Variants in SHROOM3 observed in about 807,000 individuals in gnomAD.
SHROOM3 encodes the protein shroom family member 3.
In SHROOM3, 47 loss-of-function variants were observed where a neutral mutation model predicts 138.6. That is an observed-to-expected ratio of 0.34 (90% CI 0.27 to 0.43). The LOEUF is 0.43. Ranked by LOEUF, SHROOM3 falls within the 20% of genes least tolerant of loss-of-function variation. The pLI, the probability that SHROOM3 is intolerant of heterozygous loss-of-function variation, is 1.00. For missense variants in SHROOM3, 2,491 were observed against 2,596.5 expected (o/e 0.96, Z 0.88); for synonymous variants, 1,062 against 1,063.3 (o/e 1.00, Z 0.02).
intron 2 of SHROOM3, among the ~76,000 whole-genome samples, chr4:76,629,877 A>G (rs1219892910): frequency 6.6e-6 from 1 of 152,218 alleles, no homozygotes; most frequent in African/African-American, 2.4e-5. Flanking sequence ...AGATTGGTGT[A>G]TGAATCTGGT....
In SHROOM3 at chr4:76,749,050, C is replaced by T. The variant is rs1306576880; in HGVS notation, c.3787C>T (p.Leu1263Phe). 4 of 1,613,786 alleles carry T rather than the reference C, an allele frequency of 2.5e-6. No individual in the cohort carries two copies. Among genetic ancestry groups the T allele is most frequent in the Non-Finnish European group, 3.4e-6 (4 of 1,179,940 alleles). Residue 1263 changes from leucine (L) to phenylalanine (F), a missense_variant, in exon 6 of 11, where the codon CTT becomes TTT. Around this residue, in one of 4 missense-constraint regions of SHROOM3, gnomAD observed 1,733 missense variants for 1,661.6 expected, o/e 1.04. Coordinates refer to ENST00000296043, the MANE Select transcript of SHROOM3 (RefSeq NM_020859.4). Reference sequence around the variant, plus strand: ...TTTGGGGCAAGACAGTGGCTTTGGTCTTGTGAAGGATCCATGTTATTTGGC... The same window carrying T: ...TTTGGGGCAAGACAGTGGCTTTGGTTTTGTGAAGGATCCATGTTATTTGGC... ...VLLGQDSGFGLVKDPCYLAGP... is the reference protein window; with the variant it reads ...VLLGQDSGFGFVKDPCYLAGP...
rs1560608636 is a variant in SHROOM3, at chr4:76,740,586, T to A, written c.2413T>A (p.Phe805Ile). Residue 805 changes from phenylalanine (F) to isoleucine (I), a missense_variant, in exon 5 of 11, where the codon TTT (phenylalanine) becomes ATT (isoleucine). Transcript: ENST00000296043. This position sits in a 1 kb window ranked among gnomAD's most constrained non-coding sequence, Gnocchi z 4.0. ...SQRPSVGGSG[F>I]GHNYRPHRTV... ...GAGACCGAGTGTGGGCGGCTCTGGT[T>A]TTGGCCATAACTATAGGCCCCACAG... The A allele has an allele frequency of 7.4e-6, 12 of 1,614,108 alleles. No homozygotes were observed. The highest frequency in any genetic ancestry group is 1.0e-5 in the Non-Finnish European group (12 of 1,180,020).
chr4:76,527,914 G>A (rs1018314522), intron 1 of SHROOM3, among the ~76,000 whole-genome samples: 7 of 152,210 alleles, frequency 4.6e-5, no homozygotes, highest in Non-Finnish European at 1.0e-4. Flanking sequence ...ACAGCTGGTG[G>A]TGGAAGGGCC....
intron 1 of SHROOM3, among the ~76,000 whole-genome samples, chr4:76,531,151 A>G (rs1732821295): frequency 6.6e-6 from 1 of 152,130 alleles, no homozygotes; most frequent in Non-Finnish European, 1.5e-5. Context: ...CATTAGTCAA[A>G]TGGTAACCCT....
At chr4:76,657,509 TC>T (rs1349559147) in intron 2 of SHROOM3, among the ~76,000 whole-genome samples, 1 of 152,214 alleles carries the variant, frequency 6.6e-6, no homozygotes, top group Non-Finnish European at 1.5e-5. Context: ...ATATGCCTGC[TC>T]ATTACTAGCG....
At chr4:76,758,492 G>T (rs538586866) in intron 8 of SHROOM3, 1 of 150,910 alleles carries the variant, frequency 6.6e-6, no homozygotes, top group East Asian at 1.9e-4. Flanking sequence ...GCCATCTCCT[G>T]GTGGAAATAA....
intron 2 of SHROOM3, among the ~76,000 whole-genome samples, chr4:76,622,575 G>T (rs1735031497): frequency 6.6e-6 from 1 of 151,624 alleles, no homozygotes. Context: ...TCACTTTCCA[G>T]AACCCTCTTT....
intron 2 of SHROOM3, among the ~76,000 whole-genome samples, chr4:76,677,931 GA>G (rs1719087350): frequency 6.6e-6 from 1 of 152,150 alleles, no homozygotes; most frequent in Non-Finnish European, 1.5e-5. Flanking sequence ...ATCTGCTTGT[GA>G]AAGTCTAAAA....
chr4:76,694,586 G>A (rs1487608967), intron 2 of SHROOM3, among the ~76,000 whole-genome samples: 5 of 152,322 alleles, frequency 3.3e-5, no homozygotes, highest in Admixed American at 6.5e-5. Flanking sequence ...AATGACCTAC[G>A]TTTGAATCTG....
intron 2 of SHROOM3, among the ~76,000 whole-genome samples, chr4:76,657,100 C>T (rs1388851673): frequency 2.0e-5 from 3 of 151,892 alleles, no homozygotes; most frequent in Non-Finnish European, 2.9e-5. Flanking sequence ...TTGCTTGAAC[C>T]CAAGAGATGA....
chr4:76,436,927 T>A (rs886356637), intron 1 of SHROOM3, among the ~76,000 whole-genome samples: 1 of 152,246 alleles, frequency 6.6e-6, no homozygotes, highest in South Asian at 2.1e-4. Context: ...ATATTGCTTT[T>A]AAATTTTTAG....
intron 1 of SHROOM3, among the ~76,000 whole-genome samples, chr4:76,528,796 C>A (rs1179158612): frequency 6.6e-6 from 1 of 152,146 alleles, no homozygotes; most frequent in Non-Finnish European, 1.5e-5. Flanking sequence ...TCAGGTGATC[C>A]ACCCACCTTG....
intron 2 of SHROOM3, among the ~76,000 whole-genome samples, chr4:76,564,144 C>T (rs769953900): frequency 1.3e-5 from 2 of 152,234 alleles, no homozygotes; most frequent in Non-Finnish European, 2.9e-5. Context: ...TCCTGGTCAT[C>T]TGCTCTTTGA....
intron 1 of SHROOM3, among the ~76,000 whole-genome samples, chr4:76,519,655 A>C (rs1473135258): frequency 1.3e-5 from 2 of 152,196 alleles, no homozygotes; most frequent in Non-Finnish European, 2.9e-5. Context: ...AGGTGCCAAA[A>C]TAGTGCCTTC....
chr4:76,681,874 T>A (rs574777825), intron 2 of SHROOM3, among the ~76,000 whole-genome samples: 28 of 152,120 alleles, frequency 1.8e-4, no homozygotes, highest in Non-Finnish European at 2.9e-4. Context: ...TTTCTTTCAT[T>A]CCCACTCCAT....
Position 76,473,814 on chromosome 4 carries a change from A to G in SHROOM3, c.168+37594A>G, listed in dbSNP as rs549609456. On this transcript the variant is annotated intron_variant, in intron 1 of 10. Coordinates refer to ENST00000296043, the MANE Select transcript of SHROOM3 (RefSeq NM_020859.4). ...GGCTGTACTCAAAAGGACAGACAAT[A>G]AAAAGTGTTGGCCAGGATGTGAAGA... Among the ~76,000 whole-genome samples the G allele has an allele frequency of 2.0e-4, 31 of 152,296 alleles. No homozygotes were observed. In the South Asian group the frequency reaches 6.2e-3, roughly 31 times the overall value.
intron 2 of SHROOM3, among the ~76,000 whole-genome samples, chr4:76,683,186 GT>G (rs200382364): frequency 7.3e-5 from 11 of 151,264 alleles, no homozygotes; most frequent in East Asian, 1.9e-4. Flanking sequence ...TTGCTGAATA[GT>G]TTTTTTTTCA....
At chr4:76,720,151 G>GT (rs59839066) in intron 3 of SHROOM3, among the ~76,000 whole-genome samples, 1,472 of 83,028 alleles carry the variant, frequency 0.018, 95 homozygotes, top group Non-Finnish European at 0.025. Context: ...TGTTTTTTAG[G>GT]TTTTTTTTTT....
chr4:76,572,021 C>G (rs1485800623), intron 2 of SHROOM3, among the ~76,000 whole-genome samples: 1 of 152,050 alleles, frequency 6.6e-6, no homozygotes, highest in African/African-American at 2.4e-5. Context: ...CCATACTGCG[C>G]CCCCCAGCCC....
Sources: gnomAD v4.1 joint callset for allele counts (sites outside exome capture counted in the v4.1 genomes callset) on GRCh38, gnomAD v4.1.1 for gene constraint, gnomAD v4.1.1 regional missense constraint, Gnocchi (gnomAD v3.1) non-coding constraint, MANE v1.5 for transcripts, NCBI Gene and HGNC (gene_info 2026-07-23, HGNC 2026-07-21) for gene names.